The following VIT variants were observed in gnomAD, a reference collection of about 807,000 sequenced individuals.
VIT encodes vitrin.
Under a neutral mutation model 78.0 loss-of-function variants are expected in VIT, and 99 were observed. The ratio of observed to expected loss-of-function variants is 1.27; its 90% CI spans 1.08 to 1.50. VIT has a LOEUF of 1.50. Among genes scored for constraint, VIT ranks in the 40% most tolerant of loss-of-function variants. VIT has a pLI of 0.00. For missense variants in VIT, 1,126 were observed against 875.3 expected (o/e 1.29, Z -3.61); for synonymous variants, 374 against 334.3 (o/e 1.12, Z -1.29).
intron 1 of VIT, 144 bp from the exon 2 acceptor site, chr2:36,716,209 T>A (rs949137630): frequency 1.0e-5 from 6 of 578,870 alleles, no homozygotes. Flanking sequence ...CATCTCTATG[T>A]GCTGCTTATG....
chr2:36,732,762 T>G (rs561223901), intron 3 of VIT, among the ~76,000 whole-genome samples: 2 of 152,218 alleles, frequency 1.3e-5, no homozygotes, highest in African/African-American at 2.4e-5. Flanking sequence ...AATGTCCACA[T>G]AAGTGCTAGG....
rs1156333625 is a variant in VIT at position 36,773,852 on chromosome 2, G to A, written c.736+5G>A. Reference sequence around the variant, plus strand: ...ACAGGCCCAGAGCTGATCCAGGTAAGACCTTAAACTCCCTTTCCAGCCACT... The same window carrying A: ...ACAGGCCCAGAGCTGATCCAGGTAAAACCTTAAACTCCCTTTCCAGCCACT... On this transcript the variant is annotated splice_donor_5th_base_variant and intron_variant, in intron 8 of 15. Coordinates refer to ENST00000379242, the MANE Select transcript of VIT (RefSeq NM_053276.4). 1 of 1,590,994 alleles carries A rather than the reference G, an allele frequency of 6.3e-7. No individual in the cohort carries two copies. Among genetic ancestry groups the A allele is most frequent in the Non-Finnish European group, 8.6e-7 (1 of 1,166,882 alleles).
Position 36,794,755 on chromosome 2 carries a change from C to G in VIT, c.1059-6546C>G, listed in dbSNP as rs147300665. Among the ~76,000 whole-genome samples, 108 of 152,292 alleles carry G rather than the reference C, an allele frequency of 7.1e-4. No individual in the cohort carries two copies. The East Asian group carries it at 0.018, about 26-fold the overall frequency. On this transcript the variant is annotated intron_variant, in intron 12 of 15. Coordinates refer to ENST00000379242, the MANE Select transcript of VIT (RefSeq NM_053276.4). ...AATCAGAAAGGGTTTCAGAGGTCCT[C>G]TGATCCAACCTTTCGATCTATTTAA...
At chr2:36,783,225 G>C (rs995069940) in intron 10 of VIT, 115 bp from the exon 11 acceptor site, 3 of 891,710 alleles carry the variant, frequency 3.4e-6, no homozygotes, top group Non-Finnish European at 5.2e-6. Flanking sequence ...AGCACAGTTA[G>C]CTTTAAGCCA....
At chr2:36,787,572 G>A (rs1352011364) in intron 12 of VIT, among the ~76,000 whole-genome samples, 2 of 152,202 alleles carry the variant, frequency 1.3e-5, no homozygotes, top group Non-Finnish European at 2.9e-5. Flanking sequence ...TGTTAACTTA[G>A]CCAATAACCA....
intron 2 of VIT, among the ~76,000 whole-genome samples, chr2:36,722,273 C>T (rs1046377338): frequency 2.0e-5 from 3 of 152,078 alleles, no homozygotes; most frequent in East Asian, 1.9e-4. Flanking sequence ...GTAAAGAGGC[C>T]GACACTGTAG....
intron 12 of VIT, among the ~76,000 whole-genome samples, chr2:36,800,523 G>A (rs374656973): frequency 9.9e-5 from 15 of 152,130 alleles, no homozygotes; most frequent in African/African-American, 2.2e-4. Context: ...GTGTGACTGC[G>A]CAGGTCTCAC....
chr2:36,788,320 T>C (rs1218273909), intron 12 of VIT, among the ~76,000 whole-genome samples: 2 of 152,234 alleles, frequency 1.3e-5, no homozygotes, highest in Non-Finnish European at 2.9e-5. Context: ...TTTAACAAAG[T>C]TTGCTCTATC....
intron 7 of VIT, 62 bp downstream of exon 7, chr2:36,767,347 A>G (rs1669497483): frequency 4.2e-6 from 6 of 1,414,508 alleles, no homozygotes; most frequent in Non-Finnish European, 5.6e-6. Context: ...CTTTTAGAGT[A>G]ACAGCTCTGT....
At chr2:36,814,139 C>G (rs745690431) in intron 15 of VIT, 44 bp from the exon 16 acceptor site, 2 of 1,594,472 alleles carry the variant, frequency 1.3e-6, no homozygotes, top group East Asian at 4.5e-5. Flanking sequence ...TTTAGCAGCA[C>G]CTTTACTTGG....
Position 36,814,123 on chromosome 2 carries a change from A to T in VIT, c.1904-60A>T. 3.2e-6 allele frequency: 5 copies of T among 1,576,898 alleles called. No homozygotes were observed. The South Asian group carries it at 4.6e-5, about 15-fold the overall frequency. On this transcript the variant is annotated intron_variant, in intron 15 of 15. Transcript: ENST00000379242. Reference sequence around the variant, plus strand: ...TGCCAACAGGGCCACAAGAAGAGAGAGATTCTTTAGCAGCACCTTTACTTG... The same window carrying T: ...TGCCAACAGGGCCACAAGAAGAGAGTGATTCTTTAGCAGCACCTTTACTTG...
rs745661420 is a variant in VIT, at chr2:36,805,683, A to T, written c.1389+19A>T. On this transcript the variant is annotated intron_variant, in intron 14 of 15. Coordinates refer to ENST00000379242, the MANE Select transcript of VIT (RefSeq NM_053276.4). ...AAACAAGGTAGATGACTGCCCGGAG[A>T]CCTACCCAACATCAGGATTTTCTGC... The T allele has an allele frequency of 6.2e-7, 1 of 1,601,514 alleles. No individual in the cohort carries two copies. Among genetic ancestry groups the T allele is most frequent in the African/African-American group, 1.3e-5 (1 of 74,652 alleles).
At chr2:36,732,483 C>T (rs1374007257) in intron 3 of VIT, among the ~76,000 whole-genome samples, 1 of 152,190 alleles carries the variant, frequency 6.6e-6, no homozygotes, top group Non-Finnish European at 1.5e-5. Context: ...TCTTGATCTC[C>T]AGAGTATTTC....
chr2:36,753,257 C>T (rs562658026), intron 4 of VIT, among the ~76,000 whole-genome samples: 4 of 152,108 alleles, frequency 2.6e-5, no homozygotes, highest in African/African-American at 9.6e-5. Flanking sequence ...CTAATGGATG[C>T]TGGGCCGAAT....
intron 6 of VIT, among the ~76,000 whole-genome samples, chr2:36,765,787 G>A (rs1411641107): frequency 2.6e-5 from 4 of 152,264 alleles, no homozygotes; most frequent in Admixed American, 6.5e-5. Flanking sequence ...AAAGCTCAGT[G>A]TTGCTGACAC....
intron 6 of VIT, among the ~76,000 whole-genome samples, chr2:36,766,863 G>T (rs889641069): frequency 6.6e-6 from 1 of 152,162 alleles, no homozygotes; most frequent in Admixed American, 6.5e-5. Context: ...CTATAGTTTT[G>T]ACCTGTCATT....
chr2:36,725,838 G>A (rs772057710), intron 2 of VIT, among the ~76,000 whole-genome samples: 18 of 151,998 alleles, frequency 1.2e-4, no homozygotes, highest in South Asian at 4.2e-4. Flanking sequence ...TTGAGAGGCC[G>A]GGGCAGGAGG....
intron 1 of VIT, among the ~76,000 whole-genome samples, chr2:36,703,431 A>G (rs1665198417): frequency 6.6e-6 from 1 of 150,962 alleles, no homozygotes; most frequent in Non-Finnish European, 1.5e-5. Context: ...GTTGGCACCT[A>G]TTGTCTTGAG....
chr2:36,716,524 C>A, intron 2 of VIT, 102 bp downstream of exon 2: 1 of 921,880 alleles, frequency 1.1e-6, no homozygotes, highest in Non-Finnish European at 1.7e-6. Flanking sequence ...AGCATATAAA[C>A]AATACAGTGT....
Sources: allele counts gnomAD v4.1 joint callset (sites outside exome capture counted in the v4.1 genomes callset), GRCh38; gene constraint gnomAD v4.1.1; transcripts MANE v1.5; gene names NCBI Gene and HGNC (gene_info 2026-07-23, HGNC 2026-07-21).